Variants in SLC8A1 observed in about 807,000 individuals in gnomAD.
The protein encoded by SLC8A1 is solute carrier family 8 member A1.
In SLC8A1, 18 loss-of-function variants were observed where a neutral mutation model predicts 68.3. The observed-to-expected ratio is 0.26, with a 90% CI of 0.18 to 0.39. The LOEUF (loss-of-function observed/expected upper bound fraction) is 0.39. Among genes scored for constraint, SLC8A1 ranks in the 10% least tolerant of loss-of-function variants. SLC8A1 has a pLI of 1.00. For missense variants in SLC8A1, 985 were observed against 1,156.7 expected (o/e 0.85, Z 2.15); for synonymous variants, 475 against 415.5 (o/e 1.14, Z -1.74).
exon 8 of SLC8A1, chr2:40,107,908 T>A (rs931471536): frequency 6.6e-6 from 1 of 152,194 alleles, no homozygotes; most frequent in African/African-American, 2.4e-5. Context: ...CCAGTTGGAA[T>A]GGAAACTTTT....
intron 2 of SLC8A1, among the ~76,000 whole-genome samples, chr2:40,299,176 T>TGG (rs1488897979): frequency 6.6e-6 from 1 of 152,170 alleles, no homozygotes; most frequent in African/African-American, 2.4e-5. Flanking sequence ...GTGAGGCTGT[T>TGG]GGGCTGCACC....
chr2:40,109,513 C>T (rs1278299451), exon 8 of SLC8A1: 1 of 152,190 alleles, frequency 6.6e-6, no homozygotes, highest in Non-Finnish European at 1.5e-5. Context: ...AGATTCCATA[C>T]TATGTCCTAG....
intron 2 of SLC8A1, among the ~76,000 whole-genome samples, chr2:40,215,349 A>T (rs1477581485): frequency 5.9e-5 from 9 of 152,206 alleles, no homozygotes; most frequent in Middle Eastern, 3.4e-3. Flanking sequence ...AAAAAATGTT[A>T]TGTAGAGGCC....
At chr2:40,395,008 C>A (rs1048115392) in intron 2 of SLC8A1, among the ~76,000 whole-genome samples, 1 of 152,138 alleles carries the variant, frequency 6.6e-6, no homozygotes, top group African/African-American at 2.4e-5. Flanking sequence ...TGCACAAATG[C>A]TCATGTCTGT....
At chr2:40,494,683 A>C (rs543937642) in intron 1 of SLC8A1, among the ~76,000 whole-genome samples, 1,870 of 116,152 alleles carry the variant, frequency 0.016, 72 homozygotes, top group African/African-American at 0.052. Context: ...ATATATATAT[A>C]TCCAAATGGA....
chr2:40,428,544 C>T (rs771692435), exon 2 of SLC8A1: 1 of 1,613,474 alleles, frequency 6.2e-7, no homozygotes, highest in Non-Finnish European at 8.5e-7. Context: ...CTCTGGCAGT[C>T]CCTTCGATGG....
intron 2 of SLC8A1, among the ~76,000 whole-genome samples, chr2:40,363,059 T>G (rs1037948168): frequency 6.6e-6 from 1 of 152,124 alleles, no homozygotes; most frequent in African/African-American, 2.4e-5. Flanking sequence ...TAGAAGGTAC[T>G]GCTTTCATTC....
chr2:40,414,384 G>C (rs1384709281), intron 2 of SLC8A1, among the ~76,000 whole-genome samples: 1 of 152,178 alleles, frequency 6.6e-6, no homozygotes, highest in African/African-American at 2.4e-5. Flanking sequence ...CAGTGTGTCT[G>C]ATGTGTCCCC....
At chr2:40,478,206 A>C (rs1704408657) in intron 1 of SLC8A1, among the ~76,000 whole-genome samples, 1 of 146,468 alleles carries the variant, frequency 6.8e-6, no homozygotes, top group South Asian at 2.3e-4. Context: ...ATATCTCCAC[A>C]CAAGCTGATA....
intron 6 of SLC8A1, among the ~76,000 whole-genome samples, chr2:40,151,354 C>T (rs1355069999): frequency 7.2e-5 from 11 of 152,072 alleles, no homozygotes; most frequent in East Asian, 3.9e-4. Context: ...CAGTTATATA[C>T]GGATTGGAAA....
At chr2:40,275,353 T>C (rs1393487987) in intron 2 of SLC8A1, among the ~76,000 whole-genome samples, 12 of 152,248 alleles carry the variant, frequency 7.9e-5, no homozygotes, top group Admixed American at 7.9e-4. Flanking sequence ...TAACTTATGT[T>C]AAGGATCCAA....
At chr2:40,436,324 T>C (rs999027017) in intron 1 of SLC8A1, among the ~76,000 whole-genome samples, 4 of 152,220 alleles carry the variant, frequency 2.6e-5, no homozygotes, top group African/African-American at 7.2e-5. Flanking sequence ...ATCTGGGAAA[T>C]GGGCCTAAGC....
chr2:40,147,477 A>G (rs1039412217), intron 6 of SLC8A1, among the ~76,000 whole-genome samples: 2 of 152,184 alleles, frequency 1.3e-5, no homozygotes, highest in Non-Finnish European at 2.9e-5. Context: ...GTCAAGTAGA[A>G]TTGGTACTCA....
At chr2:40,419,829 T>G (rs1694981426) in intron 2 of SLC8A1, among the ~76,000 whole-genome samples, 1 of 152,182 alleles carries the variant, frequency 6.6e-6, no homozygotes, top group Non-Finnish European at 1.5e-5. Flanking sequence ...CAAATGTTCT[T>G]TGTTGAAAGC....
chr2:40,244,759 A>T (rs2061645175), intron 2 of SLC8A1, among the ~76,000 whole-genome samples: 1 of 152,000 alleles, frequency 6.6e-6, no homozygotes, highest in Non-Finnish European at 1.5e-5. Flanking sequence ...AGCCTTGGGG[A>T]GATCAGTAGA....
intron 2 of SLC8A1, among the ~76,000 whole-genome samples, chr2:40,398,339 A>G (rs1212284891): frequency 6.6e-6 from 1 of 152,160 alleles, no homozygotes; most frequent in Non-Finnish European, 1.5e-5. Flanking sequence ...CGCGTGTATC[A>G]TATCTAGATC....
intron 7 of SLC8A1, among the ~76,000 whole-genome samples, chr2:40,121,583 C>G (rs1044034654): frequency 5.3e-5 from 8 of 152,168 alleles, no homozygotes; most frequent in Admixed American, 2.6e-4. Context: ...GGGGGAATTA[C>G]CTAAATTGAT....
intron 2 of SLC8A1, among the ~76,000 whole-genome samples, chr2:40,225,760 A>C (rs941545197): frequency 1.3e-5 from 2 of 152,158 alleles, no homozygotes; most frequent in African/African-American, 4.8e-5. Flanking sequence ...GCCCCTCCCA[A>C]AGTTGCCTTT....
At chr2:40,334,268 A>C (rs1007569867) in intron 2 of SLC8A1, among the ~76,000 whole-genome samples, 2 of 152,184 alleles carry the variant, frequency 1.3e-5, no homozygotes, top group African/African-American at 4.8e-5. Flanking sequence ...TCAATGGAGG[A>C]AAGAAAAAGT....
Sources: allele counts gnomAD v4.1 joint callset (sites outside exome capture counted in the v4.1 genomes callset), GRCh38; gene constraint gnomAD v4.1.1; transcripts MANE v1.5; gene names NCBI Gene and HGNC (gene_info 2026-07-23, HGNC 2026-07-21).